Variants in OPHN1 observed in about 807,000 individuals in gnomAD.
OPHN1 encodes oligophrenin-1.
A neutral mutation model predicts 60.7 loss-of-function variants in OPHN1; 11 were observed. The ratio of observed to expected loss-of-function variants is 0.18; its 90% CI spans 0.11 to 0.30. The LOEUF is 0.30. OPHN1 is among the 10% of genes least tolerant of loss of function. The pLI, the probability that OPHN1 is intolerant of heterozygous loss-of-function variation, is 1.00. For synonymous variants in OPHN1, 226 were observed against 222.6 expected, an observed-to-expected ratio of 1.02 and a Z score of -0.14; for missense variants, 449 against 611.0, an observed-to-expected ratio of 0.73 and a Z score of 2.80.
At chrX:68,342,002 C>T (rs1342810901) in intron 2 of OPHN1, among the ~76,000 whole-genome samples, 6 of 90,700 alleles carry the variant, frequency 6.6e-5, no homozygotes, top group South Asian at 1.4e-3. Context: ...CACAGTCTCA[C>T]TCTGTCATCC....
chrX:68,293,754 C>A (rs1030454527), intron 3 of OPHN1, among the ~76,000 whole-genome samples: 1 of 111,474 alleles, frequency 9.0e-6, no homozygotes, highest in African/African-American at 3.3e-5. Context: ...CCCAGGTACC[C>A]AGGCTGTAAA....
intron 15 of OPHN1, among the ~76,000 whole-genome samples, chrX:68,192,062 A>T (rs1430337868): frequency 4.3e-5 from 4 of 93,629 alleles, no homozygotes; most frequent in Non-Finnish European, 7.6e-5. Context: ...TAACCAGAAT[A>T]AAAAAAAATC....
intron 15 of OPHN1, among the ~76,000 whole-genome samples, chrX:68,191,693 G>A (rs1234624771): frequency 8.9e-6 from 1 of 112,049 alleles, no homozygotes; most frequent in Non-Finnish European, 1.9e-5. Flanking sequence ...TTAGATTGCA[G>A]CAGATGGAGT....
chrX:68,382,494 GAAT>G (rs926278170), intron 2 of OPHN1, among the ~76,000 whole-genome samples: 2 of 111,633 alleles, frequency 1.8e-5, no homozygotes, highest in Non-Finnish European at 3.8e-5. Flanking sequence ...GTAAAAATGG[GAAT>G]AATATTAGTC....
chrX:68,195,513 T>C (rs1005594067), intron 12 of OPHN1, among the ~76,000 whole-genome samples: 1 of 112,061 alleles, frequency 8.9e-6, no homozygotes, highest in African/African-American at 3.2e-5. Flanking sequence ...TCTCAAAATT[T>C]ATATCAGTAA....
At chrX:68,077,984 TCTAATTTGCCAAAA>T (rs2076959659) in intron 19 of OPHN1, among the ~76,000 whole-genome samples, 2 of 111,990 alleles carry the variant, frequency 1.8e-5, no homozygotes, top group African/African-American at 6.5e-5. Context: ...GCCTCAGTTG[TCTAATTTGCCAAAA>T]GAAGATCATG....
intron 3 of OPHN1, among the ~76,000 whole-genome samples, chrX:68,288,213 G>A (rs759705282): frequency 6.3e-5 from 7 of 111,560 alleles, no homozygotes; most frequent in African/African-American, 2.3e-4. Context: ...ATCTATCTTA[G>A]TCCAACTATG....
At chrX:68,074,598 A>C (rs1444892184) in intron 19 of OPHN1, among the ~76,000 whole-genome samples, 1 of 111,700 alleles carries the variant, frequency 9.0e-6, no homozygotes, top group African/African-American at 3.3e-5. Flanking sequence ...CTAATCAAAC[A>C]TACTCTGCTC....
intron 3 of OPHN1, among the ~76,000 whole-genome samples, chrX:68,294,473 CAAAA>C (rs570989143): frequency 2.8e-4 from 3 of 10,642 alleles, no homozygotes; most frequent in South Asian, 5.5e-3. Flanking sequence ...GACTCTATCA[CAAAA>C]AAAAAAAAAA....
At chrX:68,382,354 A>T (rs1226882215) in intron 2 of OPHN1, among the ~76,000 whole-genome samples, 1 of 109,470 alleles carries the variant, frequency 9.1e-6, no homozygotes, top group African/African-American at 3.3e-5. Context: ...CTTAAAAAAA[A>T]TAAAATAAAA....
intron 2 of OPHN1, among the ~76,000 whole-genome samples, chrX:68,429,266 A>T (rs2078874077): frequency 9.0e-6 from 1 of 110,833 alleles, no homozygotes. Context: ...CTACTAAAAA[A>T]AATACAAAAT....
chrX:68,358,036 AT>A (rs1188083526), intron 2 of OPHN1, among the ~76,000 whole-genome samples: 1 of 109,245 alleles, frequency 9.2e-6, no homozygotes, highest in Non-Finnish European at 1.9e-5. Flanking sequence ...CACGCGTATA[AT>A]CCCAGCATTT....
At chrX:68,213,439 A>C (rs1249712510) in intron 7 of OPHN1, among the ~76,000 whole-genome samples, 1 of 111,213 alleles carries the variant, frequency 9.0e-6, no homozygotes, top group Admixed American at 9.6e-5. Context: ...AAAAAACTAC[A>C]CAAGACAGAA....
rs370661478 is a variant in OPHN1, at chrX:68,210,130, G to T, written c.832+23C>A. On this transcript the variant is annotated intron_variant, in intron 9 of 24. Coordinates refer to ENST00000355520, the MANE Select transcript of OPHN1 (RefSeq NM_002547.3). ...GTTCCTGGCTTATTGAAACCCAATG[G>T]ATACCCCTATGTCCCCACACACATT... 1.8e-4 allele frequency: 214 copies of T among 1,206,323 alleles called. 1 individual carries two copies. The highest frequency in any genetic ancestry group is 1.7e-3 in the Admixed American group (78 of 45,421).
At chrX:68,181,340 C>T (rs1002208255) in intron 15 of OPHN1, among the ~76,000 whole-genome samples, 1 of 111,521 alleles carries the variant, frequency 9.0e-6, no homozygotes, top group Non-Finnish European at 1.9e-5. Flanking sequence ...AAATCTGGAA[C>T]CAGATTAAAA....
intron 15 of OPHN1, among the ~76,000 whole-genome samples, chrX:68,178,952 A>G (rs1484792490): frequency 8.9e-6 from 1 of 112,020 alleles, no homozygotes; most frequent in Non-Finnish European, 1.9e-5. Flanking sequence ...TACAGTAAGA[A>G]ACTGACATAT....
At chrX:68,336,164 G>T (rs1323793057) in intron 2 of OPHN1, among the ~76,000 whole-genome samples, 1 of 109,431 alleles carries the variant, frequency 9.1e-6, no homozygotes. Flanking sequence ...AGAAATGCTT[G>T]CTAAAAAAGT....
intron 5 of OPHN1, among the ~76,000 whole-genome samples, chrX:68,253,109 T>C (rs1206791889): frequency 8.9e-6 from 1 of 111,981 alleles, no homozygotes. Flanking sequence ...TAGTAGTTTA[T>C]TAAAATAAAA....
At chrX:68,377,485 G>A (rs2078566225) in intron 2 of OPHN1, among the ~76,000 whole-genome samples, 1 of 105,888 alleles carries the variant, frequency 9.4e-6, no homozygotes, top group African/African-American at 3.5e-5. Context: ...TAATGTGCAG[G>A]TTAGTTACAT....
Sources: gnomAD v4.1 joint callset for allele counts (sites outside exome capture counted in the v4.1 genomes callset) on GRCh38, gnomAD v4.1.1 for gene constraint, MANE v1.5 for transcripts, NCBI Gene and HGNC (gene_info 2026-07-23, HGNC 2026-07-21) for gene names.